ASTN2: variants seen among roughly 807,000 people sequenced by gnomAD.
ASTN2 encodes astrotactin-2.
Under a neutral mutation model 139.8 loss-of-function variants are expected in ASTN2, and 54 were observed. The ratio of observed to expected loss-of-function variants is 0.39; its 90% CI spans 0.31 to 0.48. The LOEUF (loss-of-function observed/expected upper bound fraction) is 0.48. Among genes scored for constraint, ASTN2 ranks in the 20% least tolerant of loss-of-function variants. The probability of loss-of-function intolerance (pLI) is 0.95; values close to 1 mark genes in which losing one functional copy is unlikely to be tolerated. For synonymous variants in ASTN2, 756 were observed against 719.5 expected (o/e 1.05, Z -0.81); for missense variants, 1,565 against 1,725.1 (o/e 0.91, Z 1.64).
chr9:116,761,588 G>T (rs746097121), intron 13 of ASTN2, among the ~76,000 whole-genome samples: 1 of 152,162 alleles, frequency 6.6e-6, no homozygotes, highest in Admixed American at 6.5e-5. Flanking sequence ...ACAAAGTCAA[G>T]TAGGCATGAG....
intron 5 of ASTN2, among the ~76,000 whole-genome samples, chr9:117,063,977 T>A (rs945121756): frequency 6.6e-6 from 1 of 152,080 alleles, no homozygotes; most frequent in Non-Finnish European, 1.5e-5. Flanking sequence ...CTTTCTCTTT[T>A]GGATACATGA....
intron 1 of ASTN2, among the ~76,000 whole-genome samples, chr9:117,297,132 CA>C (rs1257220755): frequency 3.3e-5 from 5 of 152,212 alleles, no homozygotes; most frequent in African/African-American, 1.2e-4. Flanking sequence ...TAACATCTCC[CA>C]AGTGGCTAAC....
intron 3 of ASTN2, among the ~76,000 whole-genome samples, chr9:117,171,480 G>C (rs997981025): frequency 1.3e-5 from 2 of 152,072 alleles, no homozygotes; most frequent in Non-Finnish European, 2.9e-5. Flanking sequence ...CCTAGTACCT[G>C]GTATGGAGTA....
At chr9:116,707,366 C>G (rs1227615000) in intron 16 of ASTN2, among the ~76,000 whole-genome samples, 1 of 146,506 alleles carries the variant, frequency 6.8e-6, no homozygotes, top group African/African-American at 2.5e-5. Context: ...CCAAGGAGTT[C>G]TTTCAAAGCC....
intron 13 of ASTN2, among the ~76,000 whole-genome samples, chr9:116,752,688 C>G (rs1056738547): frequency 6.6e-6 from 1 of 152,094 alleles, no homozygotes; most frequent in Non-Finnish European, 1.5e-5. Context: ...ACAAACAGTA[C>G]CATTAAAAAT....
chr9:117,268,096 T>C (rs1211644466), intron 2 of ASTN2, among the ~76,000 whole-genome samples: 1 of 152,212 alleles, frequency 6.6e-6, no homozygotes, highest in African/African-American at 2.4e-5. Flanking sequence ...CTTACTTTCA[T>C]TACCACCCTG....
At chr9:116,588,361 A>G (rs577840641) in intron 19 of ASTN2, among the ~76,000 whole-genome samples, 1 of 152,366 alleles carries the variant, frequency 6.6e-6, no homozygotes, top group South Asian at 2.1e-4. Context: ...TCAGAGTTAC[A>G]AAATGGAGCA....
chr9:116,513,296 A>G (rs1850486291), intron 19 of ASTN2, among the ~76,000 whole-genome samples: 1 of 152,132 alleles, frequency 6.6e-6, no homozygotes, highest in African/African-American at 2.4e-5. Flanking sequence ...CTGGGTGGAA[A>G]ATTCTTTTAT....
At chr9:116,589,215 T>C (rs558118935) in intron 19 of ASTN2, among the ~76,000 whole-genome samples, 14 of 152,306 alleles carry the variant, frequency 9.2e-5, no homozygotes, top group Admixed American at 3.3e-4. Context: ...GAGAAATAGA[T>C]TGCAATTAAA....
chr9:116,972,058 T>A (rs1174343097), intron 10 of ASTN2, among the ~76,000 whole-genome samples: 1 of 152,300 alleles, frequency 6.6e-6, no homozygotes, highest in South Asian at 2.1e-4. Context: ...AAAACACTCA[T>A]GTAACCACCA....
At chr9:117,287,485 G>A (rs1449295627) in intron 2 of ASTN2, among the ~76,000 whole-genome samples, 1 of 152,188 alleles carries the variant, frequency 6.6e-6, no homozygotes, top group East Asian at 1.9e-4. Context: ...AGCTTATATA[G>A]AGTGAAAAAT....
At chr9:117,087,635 A>G (rs115582471) in intron 5 of ASTN2, among the ~76,000 whole-genome samples, 4,797 of 152,296 alleles carry the variant, frequency 0.031, 236 homozygotes, top group African/African-American at 0.11. Context: ...GCTAGCAATG[A>G]AACAATTGCA....
chr9:117,325,470 A>G (rs1828483350), intron 1 of ASTN2, among the ~76,000 whole-genome samples: 1 of 152,114 alleles, frequency 6.6e-6, no homozygotes, highest in East Asian at 1.9e-4. Flanking sequence ...TGATCTCATA[A>G]CAAAGGAGCT....
chr9:117,354,417 T>C (rs1209894917), intron 1 of ASTN2, among the ~76,000 whole-genome samples: 2 of 152,142 alleles, frequency 1.3e-5, no homozygotes, highest in African/African-American at 2.4e-5. Flanking sequence ...CTAGTCACTC[T>C]GAATTGAATG....
chr9:117,235,077 T>TA (rs1833006327), intron 2 of ASTN2, among the ~76,000 whole-genome samples: 1 of 151,586 alleles, frequency 6.6e-6, no homozygotes, highest in Admixed American at 6.6e-5. Context: ...CTACCAGAAA[T>TA]AAAAAAATTA....
chr9:116,911,384 A>G (rs934784470), intron 10 of ASTN2, among the ~76,000 whole-genome samples: 38 of 152,218 alleles, frequency 2.5e-4, no homozygotes, highest in African/African-American at 8.0e-4. Context: ...GTCATGACAA[A>G]CAAATGAAGA....
At chr9:117,186,631 A>G (rs1462555097) in intron 3 of ASTN2, among the ~76,000 whole-genome samples, 7 of 152,204 alleles carry the variant, frequency 4.6e-5, no homozygotes, top group Admixed American at 4.6e-4. Flanking sequence ...CATTTGAAAT[A>G]GAAAGAAACT....
chr9:117,067,282 GT>G (rs1285472169), intron 5 of ASTN2, among the ~76,000 whole-genome samples: 21 of 133,080 alleles, frequency 1.6e-4, no homozygotes, highest in African/African-American at 5.3e-4. Context: ...CCCATTTCTT[GT>G]TTTTCTCAGG....
intron 19 of ASTN2, among the ~76,000 whole-genome samples, chr9:116,545,252 G>A (rs1019791277): frequency 6.6e-6 from 1 of 152,204 alleles, no homozygotes; most frequent in Admixed American, 6.5e-5. Flanking sequence ...CCCCTAGATG[G>A]GGCTGGGTGC....
Sources: gnomAD v4.1 joint callset for allele counts (sites outside exome capture counted in the v4.1 genomes callset) on GRCh38, gnomAD v4.1.1 for gene constraint, MANE v1.5 for transcripts, NCBI Gene and HGNC (gene_info 2026-07-23, HGNC 2026-07-21) for gene names.